The following MMS22L variants were observed in gnomAD, a reference collection of about 807,000 sequenced individuals.
MMS22L encodes protein MMS22-like.
In MMS22L, 74 loss-of-function variants were observed where a neutral mutation model predicts 159.1. The ratio of observed to expected loss-of-function variants is 0.47; its 90% CI spans 0.39 to 0.56. MMS22L has a LOEUF of 0.56. Ranked by LOEUF, MMS22L falls within the 20% of genes least tolerant of loss-of-function variation. MMS22L has a pLI of 0.00. For synonymous variants in MMS22L, 517 were observed against 506.9 expected (o/e 1.02, Z -0.27); for missense variants, 1,351 against 1,422.1 (o/e 0.95, Z 0.80).
chr6:97,254,819 C>A (rs1813616627), intron 9 of MMS22L, 86 bp from the exon 10 acceptor site: 1 of 1,081,264 alleles, frequency 9.2e-7, no homozygotes, highest in Non-Finnish European at 1.3e-6. Context: ...TATAATGAAG[C>A]ATATATACAA....
At chr6:97,182,707 A>G (rs927801912) in intron 15 of MMS22L, among the ~76,000 whole-genome samples, 3 of 152,044 alleles carry the variant, frequency 2.0e-5, no homozygotes, top group Non-Finnish European at 2.9e-5. Context: ...GTGGCTGTCT[A>G]TTTTCCCACT....
At chr6:97,266,319 T>C (rs911191964) in intron 8 of MMS22L, 3 of 152,180 alleles carry the variant, frequency 2.0e-5, no homozygotes, top group African/African-American at 7.2e-5. Flanking sequence ...ACTAGGTATA[T>C]TTGCAAAGAA....
At chr6:97,189,697 T>G (rs1384039212) in intron 14 of MMS22L, among the ~76,000 whole-genome samples, 1 of 151,586 alleles carries the variant, frequency 6.6e-6, no homozygotes, top group Non-Finnish European at 1.5e-5. Flanking sequence ...GGTAAGACAC[T>G]GACCCCAAAC....
At chr6:97,227,761 T>C (rs1810415503) in intron 14 of MMS22L, among the ~76,000 whole-genome samples, 1 of 152,204 alleles carries the variant, frequency 6.6e-6, no homozygotes, top group South Asian at 2.1e-4. Flanking sequence ...TCAAATACAA[T>C]CATTTTCTGT....
rs932955321 is a variant in MMS22L, at chr6:97,233,749, T to C, written c.1302+112A>G. On this transcript the variant is annotated intron_variant, in intron 12 of 24. Coordinates refer to ENST00000683635, the MANE Select transcript of MMS22L (RefSeq NM_001350599.2). ...CTACTCCAATCTACTCTGAAAAAAA[T>C]TAACTTTTTAAGAAAAATCCATAAC... 4.2e-6 allele frequency: 5 copies of C among 1,203,194 alleles called. No individual in the cohort carries two copies. The Admixed American group carries it at 1.5e-4, about 37-fold the overall frequency. 74.5% of individuals were successfully genotyped at this position (1,203,194 alleles called of 1,614,324 possible).
At chr6:97,243,308 G>C (rs115354464) in intron 11 of MMS22L, among the ~76,000 whole-genome samples, 2,776 of 151,864 alleles carry the variant, frequency 0.018, 82 homozygotes, top group African/African-American at 0.064. Context: ...TATCGGATTG[G>C]ATTAATTTGA....
chr6:97,231,742 C>G, intron 12 of MMS22L, 90 bp from the exon 13 acceptor site: 1 of 883,318 alleles, frequency 1.1e-6, no homozygotes, highest in Non-Finnish European at 1.7e-6. Flanking sequence ...GTTGGTTCAT[C>G]AAAAGTCTGA....
intron 13 of MMS22L, chr6:97,230,695 A>G (rs1810764781): frequency 1.3e-5 from 2 of 152,196 alleles, no homozygotes; most frequent in South Asian, 4.1e-4. Flanking sequence ...CAAATAGAAC[A>G]AAATAAAAAA....
intron 6 of MMS22L, chr6:97,272,386 CAG>C (rs1316202595): frequency 1.1e-5 from 2 of 182,590 alleles, no homozygotes; most frequent in African/African-American, 4.7e-5. Flanking sequence ...TTAAAATTTT[CAG>C]ACACTTATAC....
intron 4 of MMS22L, among the ~76,000 whole-genome samples, chr6:97,276,852 C>T (rs1290176524): frequency 2.0e-5 from 3 of 152,164 alleles, no homozygotes; most frequent in Non-Finnish European, 4.4e-5. Context: ...CGTACCTTTT[C>T]ATTTACCAAG....
rs968205221 is a variant in MMS22L at position 97,274,390 on chromosome 6, C to G, written c.341-1328G>C. Among the ~76,000 whole-genome samples the G allele has an allele frequency of 2.6e-5, 4 of 152,114 alleles. No individual in the cohort carries two copies. In the South Asian group the frequency reaches 8.3e-4, roughly 32 times the overall value. On this transcript the variant is annotated intron_variant, in intron 4 of 24. Coordinates refer to ENST00000683635, the MANE Select transcript of MMS22L (RefSeq NM_001350599.2). The stretch of plus-strand genomic sequence containing the variant: ...CAATTCTCGGCCCATTAAGGCAGTA[C>G]TCTCTTAAAAATAACTGCAGTGAAC...
intron 9 of MMS22L, chr6:97,261,394 C>T (rs1582827813): frequency 1.3e-5 from 2 of 152,782 alleles, no homozygotes; most frequent in East Asian, 3.9e-4. Context: ...TCCTCCTCCT[C>T]CTTAGCCTAC....
chr6:97,246,580 C>A, intron 11 of MMS22L, 48 bp downstream of exon 11: 1 of 1,466,012 alleles, frequency 6.8e-7, no homozygotes, highest in Non-Finnish European at 9.3e-7. Context: ...AAATTTGTAA[C>A]ATAAAAATTA....
chr6:97,176,576 T>G (rs1804141192), intron 18 of MMS22L, among the ~76,000 whole-genome samples: 1 of 152,066 alleles, frequency 6.6e-6, no homozygotes, highest in Non-Finnish European at 1.5e-5. Context: ...ATAATATGGC[T>G]TATGCTGAAT....
chr6:97,237,310 A>T (rs570043823), intron 11 of MMS22L, among the ~76,000 whole-genome samples: 2 of 152,362 alleles, frequency 1.3e-5, no homozygotes, highest in South Asian at 4.1e-4. Flanking sequence ...ATCTTGGTAC[A>T]AAACCTTTTC....
At chr6:97,217,680 T>G (rs1378086023) in intron 14 of MMS22L, among the ~76,000 whole-genome samples, 1 of 152,114 alleles carries the variant, frequency 6.6e-6, no homozygotes, top group Non-Finnish European at 1.5e-5. Flanking sequence ...GCATAGCAAA[T>G]AAAAAACCAG....
intron 6 of MMS22L, chr6:97,271,971 C>T (rs1430863512): frequency 1.3e-5 from 2 of 152,100 alleles, no homozygotes; most frequent in African/African-American, 2.4e-5. Context: ...CATGCTTAGC[C>T]GTTTTTATAT....
intron 18 of MMS22L, 84 bp downstream of exon 18, chr6:97,178,359 T>C: frequency 1.2e-5 from 12 of 1,040,192 alleles, no homozygotes; most frequent in Non-Finnish European, 1.6e-5. Context: ...ATTCATTTTA[T>C]AGAAAAACTT....
rs573349260 is a variant in MMS22L at position 97,195,275 on chromosome 6, G to C, written c.2040-8585C>G. On this transcript the variant is annotated intron_variant, in intron 14 of 24. Transcript: ENST00000683635. ...CAACAACCAGGAGTCCAAAGTGGCT[G>C]AAGCACAATGGGTGACAGATGAACA... Among the ~76,000 whole-genome samples the C allele has an allele frequency of 3.3e-5, 5 of 152,278 alleles. No individual in the cohort carries two copies. In the South Asian group the frequency reaches 1.0e-3, roughly 32 times the overall value.
Sources: allele counts gnomAD v4.1 joint callset (sites outside exome capture counted in the v4.1 genomes callset), GRCh38; gene constraint gnomAD v4.1.1; transcripts MANE v1.5; gene names NCBI Gene and HGNC (gene_info 2026-07-23, HGNC 2026-07-21).